Variants in WIF1 observed in about 807,000 individuals in gnomAD.
The protein encoded by WIF1 is Wnt inhibitory factor 1.
Under a neutral mutation model 53.5 loss-of-function variants are expected in WIF1, and 35 were observed. That is an observed-to-expected ratio of 0.65 (90% CI 0.50 to 0.87). WIF1 has a LOEUF of 0.87. Among genes scored for constraint, WIF1 ranks in the 40% least tolerant of loss-of-function variants. The pLI is 0.00. For synonymous variants in WIF1, 171 were observed against 170.4 expected, an observed-to-expected ratio of 1.00 and a Z score of -0.03; for missense variants, 467 against 476.8, an observed-to-expected ratio of 0.98 and a Z score of 0.19.
In WIF1 at chr12:65,061,925, G is replaced by C. The variant is rs559941006; in HGVS notation, c.826+556C>G. ...ATGCAGTAGGTAACTTTTTGTGTCT[G>C]GTTACTTTCACTTAGTATCTGTGTG... On this transcript the variant is annotated intron_variant, in intron 7 of 9. Coordinates refer to ENST00000286574, the MANE Select transcript of WIF1 (RefSeq NM_007191.5). 1.3e-3 allele frequency among the ~76,000 whole-genome samples: 192 copies of C among 152,242 alleles called. 2 individuals carry two copies. The highest frequency in any genetic ancestry group is 4.5e-3 in the African/African-American group (188 of 41,544).
At chr12:65,117,592 C>A (rs1883532520) in intron 2 of WIF1, among the ~76,000 whole-genome samples, 1 of 152,170 alleles carries the variant, frequency 6.6e-6, no homozygotes, top group African/African-American at 2.4e-5. Context: ...ATTTATCATG[C>A]ACTTTATTTC....
intron 3 of WIF1, among the ~76,000 whole-genome samples, chr12:65,073,804 G>A (rs951655887): frequency 6.6e-6 from 1 of 152,184 alleles, no homozygotes; most frequent in Admixed American, 6.6e-5. Flanking sequence ...AATGGTGTAA[G>A]GTTCCCATAA....
chr12:65,080,010 A>T (rs1476691786), intron 2 of WIF1, among the ~76,000 whole-genome samples: 4 of 152,208 alleles, frequency 2.6e-5, no homozygotes, highest in Non-Finnish European at 5.9e-5. Flanking sequence ...TAAGAGATAC[A>T]TGGTAGACAT....
chr12:65,093,473 C>T (rs1475178948), intron 2 of WIF1, among the ~76,000 whole-genome samples: 1 of 152,110 alleles, frequency 6.6e-6, no homozygotes, highest in East Asian at 1.9e-4. Flanking sequence ...TATACCTTAG[C>T]TTTTTAATTT....
In WIF1 at chr12:65,120,422, C is replaced by T. The variant is rs747387018; in HGVS notation, c.283G>A (p.Gly95Arg). The change falls in exon 2 of 10, where the codon GGG (glycine) becomes AGG (arginine). Residue 95 changes from glycine to arginine, a missense_variant. Coordinates refer to ENST00000286574, the MANE Select transcript of WIF1 (RefSeq NM_007191.5). ...GTAATTTTCTCAGAACTTACCTGCC[C>T]TGCAGCTTGCCAGGTAAAATTCATG... is the stretch of plus-strand genomic sequence containing the variant. ...HSMNFTWQAA[G>R]QAEYFYEFLS... 2 of 1,613,214 alleles carry T rather than the reference C, an allele frequency of 1.2e-6. No individual in the cohort carries two copies. The highest frequency in any genetic ancestry group is 1.7e-6 in the Non-Finnish European group (2 of 1,179,758).
chr12:65,083,846 C>CTTTTCTTTTCTT (rs1484313848), intron 2 of WIF1: 6 of 312,712 alleles, frequency 1.9e-5, no homozygotes, highest in Admixed American at 3.5e-5. Context: ...CTTTTCTTTT[C>CTTTTCTTTTCTT]TTTTCTTTTC....
rs75770798 is a variant in WIF1, at chr12:65,055,836, G to A, written c.922+195C>T. Reference sequence around the variant, plus strand: ...GTAGTTAAAACGTTCAGTTGCATGTGTGAGTATCCATTTTTTTACATGCAC... The same window carrying A: ...GTAGTTAAAACGTTCAGTTGCATGTATGAGTATCCATTTTTTTACATGCAC... On this transcript the variant is annotated intron_variant, in intron 8 of 9. Coordinates refer to ENST00000286574, the MANE Select transcript of WIF1 (RefSeq NM_007191.5). Among the ~76,000 whole-genome samples the A allele has an allele frequency of 4.9e-4, 75 of 152,350 alleles. 1 individual carries two copies. The highest frequency in any genetic ancestry group is 1.4e-3 in the South Asian group (7 of 4,828).
chr12:65,086,852 C>T (rs1432198866), intron 2 of WIF1, among the ~76,000 whole-genome samples: 1 of 151,676 alleles, frequency 6.6e-6, no homozygotes, highest in Non-Finnish European at 1.5e-5. Flanking sequence ...TTTTTTAAAC[C>T]TGAGCAATTG....
chr12:65,119,912 T>C (rs1272015734), intron 2 of WIF1, among the ~76,000 whole-genome samples: 1 of 152,250 alleles, frequency 6.6e-6, no homozygotes, highest in Non-Finnish European at 1.5e-5. Flanking sequence ...CGTTCTTACA[T>C]GACACCTTTT....
intron 2 of WIF1, among the ~76,000 whole-genome samples, chr12:65,099,527 A>G (rs1173542131): frequency 2.0e-5 from 3 of 152,186 alleles, no homozygotes; most frequent in South Asian, 2.1e-4. Context: ...GAACTGTTGT[A>G]TTCCATAGAG....
chr12:65,099,851 T>C (rs548480257), intron 2 of WIF1, among the ~76,000 whole-genome samples: 1 of 152,186 alleles, frequency 6.6e-6, no homozygotes, highest in Non-Finnish European at 1.5e-5. Context: ...GCCAGTAATG[T>C]CAATAACTCT....
intron 5 of WIF1, among the ~76,000 whole-genome samples, chr12:65,067,485 A>AAAG (rs1223820469): frequency 2.0e-5 from 3 of 152,204 alleles, no homozygotes; most frequent in Non-Finnish European, 4.4e-5. Flanking sequence ...AGATTATGCC[A>AAAG]AAGTACAGTG....
At chr12:65,062,423 T>C (rs1204815737) in intron 7 of WIF1, 58 bp downstream of exon 7, 1 of 1,419,766 alleles carries the variant, frequency 7.0e-7, no homozygotes, top group African/African-American at 1.4e-5. Flanking sequence ...AATGAAGGGG[T>C]TATATGGGGT....
chr12:65,088,992 T>C (rs918277161), intron 2 of WIF1, among the ~76,000 whole-genome samples: 2 of 152,162 alleles, frequency 1.3e-5, no homozygotes, highest in Admixed American at 6.6e-5. Flanking sequence ...ACTAGTCTGC[T>C]CTTCTGGCTT....
chr12:65,074,687 A>G (rs558111262), intron 3 of WIF1, among the ~76,000 whole-genome samples: 31 of 151,794 alleles, frequency 2.0e-4, no homozygotes, highest in African/African-American at 7.0e-4. Flanking sequence ...GCATGGTGGC[A>G]TGCTCCTATA....
rs568688366 is a variant in WIF1 at position 65,116,824 on chromosome 12, T to C, written c.288+3593A>G. On this transcript the variant is annotated intron_variant, in intron 2 of 9. Transcript: ENST00000286574. ...GGCACGTGCCTGTAATCCCAGCTAC[T>C]CAGGAGGCTGAGGCAGGAGAATCGT... is the stretch of plus-strand genomic sequence containing the variant. 4.1e-3 allele frequency among the ~76,000 whole-genome samples: 607 copies of C among 148,572 alleles called. 6 individuals are homozygous for C. Among genetic ancestry groups the C allele is most frequent in the African/African-American group, 0.014 (582 of 40,472 alleles).
intron 2 of WIF1, among the ~76,000 whole-genome samples, chr12:65,086,258 G>A (rs1979034): frequency 0.2 from 29,700 of 152,032 alleles, 3,202 homozygotes; most frequent in Non-Finnish European, 0.25. Flanking sequence ...GGGTGGTGTA[G>A]GCAGCAGTGG....
intron 8 of WIF1, 121 bp downstream of exon 8, chr12:65,055,910 T>C (rs1882517780): frequency 1.3e-6 from 1 of 797,668 alleles, no homozygotes; most frequent in Non-Finnish European, 2.0e-6. Context: ...TATATGTCAG[T>C]GAAGAAAGGT....
chr12:65,070,999 G>C (rs2136617294), intron 3 of WIF1, among the ~76,000 whole-genome samples: 1 of 152,072 alleles, frequency 6.6e-6, no homozygotes, highest in African/African-American at 2.4e-5. Flanking sequence ...ACTTTGGGAG[G>C]CCGAGGCGGG....
Sources: allele counts gnomAD v4.1 joint callset (sites outside exome capture counted in the v4.1 genomes callset), GRCh38; gene constraint gnomAD v4.1.1; transcripts MANE v1.5; gene names NCBI Gene and HGNC (gene_info 2026-07-23, HGNC 2026-07-21).